GPC5: variants seen among roughly 807,000 people sequenced by gnomAD.
The protein encoded by GPC5 is glypican-5.
A neutral mutation model predicts 53.9 loss-of-function variants in GPC5; 47 were observed. That is an observed-to-expected ratio of 0.87 (90% confidence interval 0.69 to 1.11). The LOEUF is 1.11. Ranked by LOEUF, GPC5 falls within the 50% of genes most tolerant of loss-of-function variation. The probability of loss-of-function intolerance (pLI) is 0.00; values close to 1 mark genes in which losing one functional copy is unlikely to be tolerated. For synonymous variants in GPC5, 286 were observed against 263.3 expected, an observed-to-expected ratio of 1.09 and a Z score of -0.84; for missense variants, 748 against 713.1, an observed-to-expected ratio of 1.05 and a Z score of -0.56.
chr13:91,508,428 G>A (rs943319384), intron 2 of GPC5, among the ~76,000 whole-genome samples: 1 of 152,160 alleles, frequency 6.6e-6, no homozygotes, highest in Non-Finnish European at 1.5e-5. Context: ...AGACAGGATG[G>A]CATTGTACTG....
At chr13:91,590,306 T>G (rs1399620334) in intron 2 of GPC5, among the ~76,000 whole-genome samples, 1 of 151,968 alleles carries the variant, frequency 6.6e-6, no homozygotes, top group East Asian at 1.9e-4. Flanking sequence ...TACGGCTTAT[T>G]TCATAAATAT....
chr13:92,833,856 T>C (rs886852182), intron 7 of GPC5, among the ~76,000 whole-genome samples: 1 of 152,182 alleles, frequency 6.6e-6, no homozygotes, highest in African/African-American at 2.4e-5. Flanking sequence ...AAATTTAGTA[T>C]ATCCGTAAGA....
At chr13:91,452,816 A>C (rs1211175367) in intron 2 of GPC5, among the ~76,000 whole-genome samples, 1 of 152,080 alleles carries the variant, frequency 6.6e-6, no homozygotes, top group Non-Finnish European at 1.5e-5. Flanking sequence ...AAAAATAAAA[A>C]ATAATATTTT....
chr13:92,408,521 A>G (rs529914305), intron 7 of GPC5, among the ~76,000 whole-genome samples: 2 of 151,920 alleles, frequency 1.3e-5, no homozygotes, highest in Admixed American at 6.6e-5. Flanking sequence ...TCTGTATTCA[A>G]TCTATATTTG....
intron 2 of GPC5, among the ~76,000 whole-genome samples, chr13:91,660,380 G>A (rs2034959301): frequency 6.6e-6 from 1 of 152,128 alleles, no homozygotes; most frequent in Non-Finnish European, 1.5e-5. Flanking sequence ...GCCCACATAA[G>A]TGAGCCTGGA....
intron 7 of GPC5, among the ~76,000 whole-genome samples, chr13:92,863,948 A>G (rs991904745): frequency 6.6e-6 from 1 of 152,210 alleles, no homozygotes; most frequent in African/African-American, 2.4e-5. Context: ...TGTTATGCAT[A>G]TAAGAGTATT....
At chr13:91,410,566 T>A (rs933434169) in intron 1 of GPC5, among the ~76,000 whole-genome samples, 6 of 151,632 alleles carry the variant, frequency 4.0e-5, no homozygotes, top group Admixed American at 6.6e-5. Context: ...CAGGATGGTC[T>A]CGATCTCCTG....
chr13:92,504,855 A>G (rs1880312004), intron 7 of GPC5, among the ~76,000 whole-genome samples: 1 of 152,000 alleles, frequency 6.6e-6, no homozygotes, highest in Admixed American at 6.6e-5. Flanking sequence ...AGATGTACAT[A>G]TAGAACACAA....
intron 2 of GPC5, among the ~76,000 whole-genome samples, chr13:91,531,425 G>A (rs1036274093): frequency 6.6e-6 from 1 of 152,052 alleles, no homozygotes; most frequent in Non-Finnish European, 1.5e-5. Context: ...TTGAGCTATG[G>A]GGTAAAGCCG....
At chr13:92,337,863 A>T (rs572297466) in intron 7 of GPC5, among the ~76,000 whole-genome samples, 146 of 152,174 alleles carry the variant, frequency 9.6e-4, no homozygotes, top group Non-Finnish European at 1.6e-3. Flanking sequence ...CTCTTAGAAG[A>T]TAGCTTAGGT....
chr13:92,511,432 G>A (rs962162253), intron 7 of GPC5, among the ~76,000 whole-genome samples: 2 of 151,966 alleles, frequency 1.3e-5, no homozygotes, highest in African/African-American at 4.8e-5. Flanking sequence ...ATTTCCTAAC[G>A]GTCATACTTG....
intron 2 of GPC5, among the ~76,000 whole-genome samples, chr13:91,593,728 G>A (rs967091109): frequency 9.2e-5 from 14 of 151,920 alleles, no homozygotes; most frequent in Non-Finnish European, 1.5e-5. Context: ...CAAAATGATT[G>A]GCCCAAGTAA....
chr13:92,302,146 C>T (rs2043080140), intron 7 of GPC5, among the ~76,000 whole-genome samples: 1 of 152,062 alleles, frequency 6.6e-6, no homozygotes, highest in Non-Finnish European at 1.5e-5. Flanking sequence ...ATATTCTATA[C>T]TTTAGTCACC....
chr13:91,966,248 C>T (rs1022802053), intron 6 of GPC5, among the ~76,000 whole-genome samples: 3 of 152,202 alleles, frequency 2.0e-5, no homozygotes, highest in South Asian at 4.1e-4. Flanking sequence ...TTTAACATTT[C>T]CCTTTAGACT....
intron 6 of GPC5, among the ~76,000 whole-genome samples, chr13:91,970,628 A>T (rs1358650784): frequency 6.6e-6 from 1 of 152,178 alleles, no homozygotes; most frequent in African/African-American, 2.4e-5. Flanking sequence ...AAAGCAAAAA[A>T]ATAGTGAAAA....
At chr13:92,173,973 C>CACT (rs2042089015) in intron 7 of GPC5, among the ~76,000 whole-genome samples, 1 of 151,988 alleles carries the variant, frequency 6.6e-6, no homozygotes, top group South Asian at 2.1e-4. Flanking sequence ...GGTGTGGTGG[C>CACT]ACCCACCTGT....
intron 1 of GPC5, among the ~76,000 whole-genome samples, chr13:91,402,706 AT>A (rs138620936): frequency 0.064 from 9,792 of 152,182 alleles, 689 homozygotes; most frequent in African/African-American, 0.17. Context: ...TGTCATTATA[AT>A]TTTTTTGTTT....
chr13:92,229,819 G>A (rs1476140523), intron 7 of GPC5, among the ~76,000 whole-genome samples: 2 of 151,860 alleles, frequency 1.3e-5, no homozygotes, highest in Non-Finnish European at 2.9e-5. Flanking sequence ...TATCTTCATG[G>A]CCTTAAAAAC....
intron 7 of GPC5, among the ~76,000 whole-genome samples, chr13:92,566,534 C>T (rs1882869769): frequency 6.6e-6 from 1 of 152,046 alleles, no homozygotes; most frequent in Non-Finnish European, 1.5e-5. Flanking sequence ...GATCGTGGCC[C>T]TTGAAGAGGC....
Sources: gnomAD v4.1 joint callset for allele counts (sites outside exome capture counted in the v4.1 genomes callset) on GRCh38, gnomAD v4.1.1 for gene constraint, MANE v1.5 for transcripts, NCBI Gene and HGNC (gene_info 2026-07-23, HGNC 2026-07-21) for gene names.